Variants in VTI1A observed in about 807,000 individuals in gnomAD.
VTI1A encodes the protein vesicle transport through interaction with t-SNAREs 1A, also known as vesicle transport through interaction with t-SNAREs homolog 1A.
In VTI1A, 22 loss-of-function variants were observed where a neutral mutation model predicts 34.9. That is an observed-to-expected ratio of 0.63 (90% confidence interval 0.45 to 0.90). VTI1A has a LOEUF of 0.90. Among genes scored for constraint, VTI1A ranks in the 40% least tolerant of loss-of-function variants. The pLI is 0.00. For missense variants in VTI1A, 268 were observed against 275.6 expected (o/e 0.97, Z 0.20); for synonymous variants, 87 against 97.3 (o/e 0.89, Z 0.62).
intron 7 of VTI1A, among the ~76,000 whole-genome samples, chr10:112,676,990 T>G (rs1848056003): frequency 6.6e-6 from 1 of 152,150 alleles, no homozygotes; most frequent in Non-Finnish European, 1.5e-5. Context: ...GTACAGCCAT[T>G]GAATATAGCG....
At position 112,449,232 on chromosome 10, in the gene VTI1A, TAG is replaced by T. The variant is rs564087818; in HGVS notation, c.94+1768_94+1769del. The T allele has an allele frequency of 5.9e-5, 9 of 152,378 alleles. No individual in the cohort carries two copies. The East Asian group carries it at 1.7e-3, about 29-fold the overall frequency. The allele number at this position is 152,378 out of a possible 1,614,324, so 9.4% of individuals were successfully genotyped here. ...GAGTATCAGGACTTGTGGTTCCAGT[TAG>T]AGTTTTACTCATTTTTAATTGTAAT... On this transcript the variant is annotated intron_variant, in intron 1 of 7. Coordinates refer to ENST00000393077, the MANE Select transcript of VTI1A (RefSeq NM_145206.4).
chr10:112,644,855 A>T (rs1235653941), intron 5 of VTI1A, among the ~76,000 whole-genome samples: 1 of 152,222 alleles, frequency 6.6e-6, no homozygotes, highest in Non-Finnish European at 1.5e-5. Context: ...CTTAAGCAGA[A>T]TGGCAAAATG....
chr10:112,530,078 A>G (rs1850366038), intron 4 of VTI1A, among the ~76,000 whole-genome samples: 1 of 152,176 alleles, frequency 6.6e-6, no homozygotes, highest in South Asian at 2.1e-4. Flanking sequence ...AAGCATTTTT[A>G]ATGTCCCTCA....
intron 5 of VTI1A, among the ~76,000 whole-genome samples, chr10:112,589,228 C>G (rs1211961125): frequency 6.6e-6 from 1 of 152,050 alleles, no homozygotes; most frequent in East Asian, 1.9e-4. Context: ...CCCATTATTC[C>G]CACGTGTTGT....
chr10:112,509,478 A>T (rs1037404309), intron 3 of VTI1A, among the ~76,000 whole-genome samples: 1 of 152,176 alleles, frequency 6.6e-6, no homozygotes, highest in Non-Finnish European at 1.5e-5. Flanking sequence ...GAAAAAGAAA[A>T]AAGAATGACC....
the VTI1A span, among the ~76,000 whole-genome samples, chr10:112,830,850 T>TATATA: frequency 1.4e-3 from 42 of 29,810 alleles, no homozygotes; most frequent in African/African-American, 5.8e-3. Flanking sequence ...TATATATATA[T>TATATA]TTTTTTTTTT....
intron 5 of VTI1A, among the ~76,000 whole-genome samples, chr10:112,621,620 C>T (rs1468922199): frequency 1.3e-5 from 2 of 152,188 alleles, no homozygotes; most frequent in Non-Finnish European, 2.9e-5. Flanking sequence ...CACTGTACTA[C>T]CTCTTAGATT....
At chr10:112,844,328 A>G in the VTI1A span, among the ~76,000 whole-genome samples, 1 of 152,158 alleles carries the variant, frequency 6.6e-6, no homozygotes, top group Non-Finnish European at 1.5e-5. Flanking sequence ...CTTAACTTCC[A>G]AACTTGAGTT....
chr10:112,764,213 T>A (rs1331979858), intron 7 of VTI1A, among the ~76,000 whole-genome samples: 1 of 152,096 alleles, frequency 6.6e-6, no homozygotes, highest in Non-Finnish European at 1.5e-5. Flanking sequence ...AGTGTTTGGA[T>A]GTGGTTTGCA....
chr10:112,465,558 A>G (rs770991361), intron 3 of VTI1A, among the ~76,000 whole-genome samples: 4 of 152,266 alleles, frequency 2.6e-5, no homozygotes, highest in Non-Finnish European at 4.4e-5. Context: ...GTCACATGCA[A>G]CAACTTGAAT....
the VTI1A span, among the ~76,000 whole-genome samples, chr10:112,841,484 A>G: frequency 6.6e-6 from 1 of 152,192 alleles, no homozygotes; most frequent in Non-Finnish European, 1.5e-5. Context: ...ATTACCCTTG[A>G]TTGAGAGAAG....
chr10:112,539,774 C>G (rs111236196), intron 5 of VTI1A, among the ~76,000 whole-genome samples: 136 of 152,118 alleles, frequency 8.9e-4, no homozygotes, highest in Middle Eastern at 3.4e-3. Flanking sequence ...AAAAATGGTA[C>G]ATGTAAAAAT....
chr10:112,796,249 T>A (rs1326742705), intron 7 of VTI1A, among the ~76,000 whole-genome samples: 1 of 151,664 alleles, frequency 6.6e-6, no homozygotes, highest in Non-Finnish European at 1.5e-5. Flanking sequence ...AAAATGTTTT[T>A]AAAAAAATTA....
At chr10:112,718,467 C>G (rs183913064) in intron 7 of VTI1A, among the ~76,000 whole-genome samples, 206 of 152,332 alleles carry the variant, frequency 1.4e-3, no homozygotes, top group Admixed American at 2.3e-3. Flanking sequence ...TTAGTAAGCA[C>G]TACTTCAAGT....
intron 7 of VTI1A, among the ~76,000 whole-genome samples, chr10:112,729,583 T>C (rs1363347571): frequency 6.6e-6 from 1 of 152,118 alleles, no homozygotes; most frequent in Non-Finnish European, 1.5e-5. Flanking sequence ...TTTCTCATTA[T>C]GAAATAGACC....
At chr10:112,574,654 A>G (rs887203497) in intron 5 of VTI1A, among the ~76,000 whole-genome samples, 5 of 152,176 alleles carry the variant, frequency 3.3e-5, no homozygotes, top group African/African-American at 4.8e-5. Context: ...GTTTAAATCT[A>G]CCACACGTTA....
At chr10:112,600,281 G>C (rs1209164057) in intron 5 of VTI1A, among the ~76,000 whole-genome samples, 1 of 152,160 alleles carries the variant, frequency 6.6e-6, no homozygotes, top group Non-Finnish European at 1.5e-5. Context: ...AGCAGCCAAT[G>C]TGATGCTTTG....
chr10:112,527,235 C>T, intron 4 of VTI1A, 71 bp downstream of exon 4: 1 of 1,349,132 alleles, frequency 7.4e-7, no homozygotes, highest in Middle Eastern at 2.2e-4. Context: ...ACTGGGCTCT[C>T]AAGCTGCTCC....
Position 112,779,487 on chromosome 10 carries a change from C to A in VTI1A, c.561-35803C>A, listed in dbSNP as rs116435076. Among the ~76,000 whole-genome samples, 775 of 152,296 alleles carry A rather than the reference C, an allele frequency of 5.1e-3. 8 individuals carry two copies. The highest frequency in any genetic ancestry group is 0.018 in the African/African-American group (744 of 41,566). ...ATAAGAGAGATTGTCCTCTCTTTTT[C>A]AGCTATGGGTCAGGTTATTCTAAGC... On this transcript the variant is annotated intron_variant, in intron 7 of 7. Transcript: ENST00000393077.
Sources: allele counts gnomAD v4.1 joint callset (sites outside exome capture counted in the v4.1 genomes callset), GRCh38; gene constraint gnomAD v4.1.1; transcripts MANE v1.5; gene names NCBI Gene and HGNC (gene_info 2026-07-23, HGNC 2026-07-21).